The following MTA1 variants were observed in gnomAD, a reference collection of about 807,000 sequenced individuals.
The protein encoded by MTA1 is metastasis-associated protein MTA1.
MTA1 carries 15 observed loss-of-function variants against 97.0 expected under a neutral mutation model. The observed-to-expected ratio is 0.15, with a 90% confidence interval of 0.10 to 0.24. The LOEUF is 0.24. Among genes scored for constraint, MTA1 ranks in the 10% least tolerant of loss-of-function variants. The probability of loss-of-function intolerance (pLI) is 1.00; values close to 1 mark genes in which losing one functional copy is unlikely to be tolerated. For missense variants in MTA1, 709 were observed against 1,015.1 expected, an observed-to-expected ratio of 0.70 and a Z score of 4.10; for synonymous variants, 435 against 417.5, an observed-to-expected ratio of 1.04 and a Z score of -0.51.
intron 6 of MTA1, among the ~76,000 whole-genome samples, chr14:105,452,584 G>C (rs2082986466): frequency 2.0e-5 from 3 of 152,272 alleles, no homozygotes; most frequent in Admixed American, 2.0e-4. Context: ...TCAGGAGGCT[G>C]AGGTGGGAGG....
At chr14:105,468,925 A>G in intron 18 of MTA1, 1 of 315,830 alleles carries the variant, frequency 3.2e-6, no homozygotes. Context: ...GCACTGTGGG[A>G]AGTCAGAGGC....
intron 1 of MTA1, among the ~76,000 whole-genome samples, chr14:105,431,696 G>A (rs587651281): frequency 3.9e-5 from 6 of 152,262 alleles, no homozygotes; most frequent in South Asian, 2.1e-4. Flanking sequence ...CGCAGTCTCG[G>A]CTCACTACAA....
At chr14:105,464,943 G>T in intron 15 of MTA1, 80 bp downstream of exon 15, 1 of 1,470,332 alleles carries the variant, frequency 6.8e-7, no homozygotes, top group Non-Finnish European at 9.0e-7. Flanking sequence ...CCAGCCTGTA[G>T]CCCCACTGGG....
At chr14:105,459,031 C>CCCCTGGT (rs1300149366) in intron 8 of MTA1, among the ~76,000 whole-genome samples, 3 of 150,866 alleles carry the variant, frequency 2.0e-5, no homozygotes, top group East Asian at 2.0e-4. Flanking sequence ...CTGCCCGTGG[C>CCCCTGGT]CCCTGGTCCC....
At chr14:105,421,276 G>A (rs2081826153) in intron 1 of MTA1, among the ~76,000 whole-genome samples, 1 of 152,154 alleles carries the variant, frequency 6.6e-6, no homozygotes, top group South Asian at 2.1e-4. Context: ...GTGGACCCAG[G>A]TGCGCTGAGC....
intron 3 of MTA1, among the ~76,000 whole-genome samples, chr14:105,447,141 G>A (rs925418020): frequency 2.0e-5 from 3 of 152,194 alleles, no homozygotes; most frequent in Non-Finnish European, 2.9e-5. Context: ...GGCCTATGTC[G>A]ACTCTGCAGG....
chr14:105,445,085 C>G (rs1343978801), intron 2 of MTA1, among the ~76,000 whole-genome samples: 1 of 152,196 alleles, frequency 6.6e-6, no homozygotes. Context: ...CTCCCAGGAG[C>G]TGACTGAGGT....
intron 1 of MTA1, among the ~76,000 whole-genome samples, chr14:105,425,879 C>T (rs2081995620): frequency 6.7e-6 from 1 of 148,930 alleles, no homozygotes; most frequent in Non-Finnish European, 1.5e-5. Context: ...CCAAGGCTTG[C>T]TTCTATGGGC....
At position 105,470,278 on chromosome 14, in the gene MTA1, AGCCCGCC is replaced by A; in HGVS notation, c.*71_*77del. 1 of 1,180,592 alleles carries A rather than the reference AGCCCGCC, an allele frequency of 8.5e-7. No homozygotes were observed. Among genetic ancestry groups the A allele is most frequent in the Non-Finnish European group, 1.0e-6 (1 of 960,422 alleles). The allele number at this position is 1,180,592 out of a possible 1,614,324, so 73.1% of individuals were successfully genotyped here. A position where few individuals can be genotyped will look rare whatever the true frequency, so the allele number is the denominator to read the frequency against. ...CCGCCCACACGGCCCCTTCCCAGCC[AGCCCGCC>A]GCCCGCCCCTCAGTTTGGTAGTGCC... is the stretch of plus-strand genomic sequence containing the variant. On this transcript the variant is annotated 3_prime_UTR_variant, in exon 21 of 21. Coordinates refer to ENST00000331320, the MANE Select transcript of MTA1 (RefSeq NM_004689.4).
At chr14:105,469,785 G>C in intron 19 of MTA1, 56 bp from the exon 20 acceptor site, 1 of 983,538 alleles carries the variant, frequency 1.0e-6, no homozygotes, top group East Asian at 3.4e-5. Context: ...GAGCCCTGCA[G>C]GTTGAGGTGG....
Position 105,450,228 on chromosome 14 carries a change from C to T in MTA1, c.369-33C>T, listed in dbSNP as rs144282233. 4,089 of 1,610,324 alleles carry T rather than the reference C, an allele frequency of 2.5e-3. 12 individuals carry two copies. Among genetic ancestry groups the T allele is most frequent in the Admixed American group, 0.012 (717 of 59,934 alleles). ...CGCCCTGGGCCCCTCGGGCTGCCCT[C>T]GCCTTTCCAGCCTGCCCGTCCTTCT... On this transcript the variant is annotated intron_variant, in intron 5 of 20. Transcript: ENST00000331320.
chr14:105,425,020 T>C (rs1667106434), intron 1 of MTA1, among the ~76,000 whole-genome samples: 1 of 152,204 alleles, frequency 6.6e-6, no homozygotes, highest in South Asian at 2.1e-4. Flanking sequence ...GCTGCGCATC[T>C]GGACGCTGGT....
chr14:105,458,964 G>A (rs1329459044), intron 8 of MTA1, among the ~76,000 whole-genome samples: 1 of 152,224 alleles, frequency 6.6e-6, no homozygotes, highest in Non-Finnish European at 1.5e-5. Context: ...CGATGCTCAT[G>A]CAGTCTGTCC....
Position 105,456,377 on chromosome 14 carries a change from G to T in MTA1, c.551-1893G>T, listed in dbSNP as rs587660026. Among the ~76,000 whole-genome samples, 17 of 152,358 alleles carry T rather than the reference G, an allele frequency of 1.1e-4. No individual in the cohort carries two copies. In the South Asian group the frequency reaches 3.5e-3, roughly 32 times the overall value. The stretch of plus-strand genomic sequence containing the variant: ...GCCCCCATCTTACCATGCACACCTG[G>T]AGAGACCTGGCGGAGCTCTGCAGGG... On this transcript the variant is annotated intron_variant, in intron 7 of 20. Transcript: ENST00000331320.
At chr14:105,464,213 C>A in intron 13 of MTA1, 66 bp downstream of exon 13, 3 of 1,527,602 alleles carry the variant, frequency 2.0e-6, no homozygotes, top group Non-Finnish European at 2.7e-6. Flanking sequence ...CCTGCGTTGG[C>A]CCTGAGGGCT....
At chr14:105,438,941 C>T (rs1238272121) in intron 2 of MTA1, among the ~76,000 whole-genome samples, 2 of 152,210 alleles carry the variant, frequency 1.3e-5, no homozygotes, top group Non-Finnish European at 2.9e-5. Flanking sequence ...GCCTGGTGGC[C>T]TCATGCAGGA....
chr14:105,441,207 C>T (rs587666390), intron 2 of MTA1, among the ~76,000 whole-genome samples: 89 of 152,318 alleles, frequency 5.8e-4, no homozygotes, highest in African/African-American at 1.9e-3. Context: ...CAGCACAGTT[C>T]GTGCGGGGGC....
At chr14:105,430,674 G>A (rs1195575481) in intron 1 of MTA1, among the ~76,000 whole-genome samples, 2 of 152,112 alleles carry the variant, frequency 1.3e-5, no homozygotes, top group Non-Finnish European at 2.9e-5. Flanking sequence ...GTAGATGTTT[G>A]GGAAATAATT....
intron 2 of MTA1, among the ~76,000 whole-genome samples, chr14:105,440,673 G>A (rs1270429606): frequency 2.6e-5 from 4 of 152,260 alleles, no homozygotes; most frequent in South Asian, 2.1e-4. Context: ...GCCACATGGC[G>A]TGGGCACTTG....
Sources: gnomAD v4.1 joint callset for allele counts (sites outside exome capture counted in the v4.1 genomes callset) on GRCh38, gnomAD v4.1.1 for gene constraint, MANE v1.5 for transcripts, NCBI Gene and HGNC (gene_info 2026-07-23, HGNC 2026-07-21) for gene names.